Variants in VPS13D observed in about 807,000 individuals in gnomAD.
VPS13D encodes the protein vacuolar protein sorting 13 homolog D.
Under a neutral mutation model 461.9 loss-of-function variants are expected in VPS13D, and 187 were observed. The observed-to-expected ratio is 0.40, with a 90% confidence interval of 0.36 to 0.46. The LOEUF (loss-of-function observed/expected upper bound fraction) is 0.46. VPS13D is among the 20% of genes least tolerant of loss of function. VPS13D has a pLI of 0.60. For synonymous variants in VPS13D, 1,951 were observed against 1,986.3 expected (o/e 0.98, Z 0.47); for missense variants, 4,711 against 5,364.9 (o/e 0.88, Z 3.81).
intron 65 of VPS13D, among the ~76,000 whole-genome samples, chr1:12,419,584 A>G (rs1198565899): frequency 6.6e-6 from 1 of 152,158 alleles, no homozygotes; most frequent in Non-Finnish European, 1.5e-5. Flanking sequence ...CAAGGGAAAG[A>G]AGGGGGAGGT....
chr1:12,328,042 A>G (rs1452499082), intron 36 of VPS13D, among the ~76,000 whole-genome samples, 188 bp downstream of exon 36: 3 of 152,126 alleles, frequency 2.0e-5, no homozygotes, highest in Admixed American at 6.6e-5. Context: ...TGTGGCCTTC[A>G]GCCTATAGCT....
In VPS13D at chr1:12,282,873, A is replaced by T. The variant is rs1456726488; in HGVS notation, c.4771A>T (p.Asn1591Tyr). ...CGESSVERKE[N>Y]GLFSHSSLSN... ...AGAATCTTCTGTTGAAAGGAAGGAG[A>T]ATGGATTGTTCAGCCACTCCAGCCT... Residue 1591 changes from asparagine to tyrosine, a missense_variant, in exon 21 of 70, where the codon AAT becomes TAT. Asn to Tyr is a moderately radical substitution (Grantham distance 143, BLOSUM62 -2). Transcript: ENST00000620676. The T allele has an allele frequency of 6.2e-7, 1 of 1,614,066 alleles. No individual in the cohort carries two copies.
chr1:12,249,097 G>A (rs948576080), intron 5 of VPS13D, 126 bp from the exon 6 acceptor site: 4 of 676,788 alleles, frequency 5.9e-6, no homozygotes, highest in Non-Finnish European at 9.7e-6. Context: ...AGTGGCTCAA[G>A]GGCAGTTTGA....
chr1:12,508,542 TAAAAA>T (rs540771447), intron 69 of VPS13D, among the ~76,000 whole-genome samples: 3 of 116,270 alleles, frequency 2.6e-5, no homozygotes, highest in Admixed American at 8.8e-5. Context: ...CATCTCTACT[TAAAAA>T]AAAAAAAAAA....
intron 15 of VPS13D, among the ~76,000 whole-genome samples, chr1:12,268,294 G>A (rs1488815453): frequency 6.7e-6 from 1 of 149,594 alleles, no homozygotes; most frequent in East Asian, 2.0e-4. Flanking sequence ...TTCTTTTTGG[G>A]GGACTTTCCA....
intron 7 of VPS13D, among the ~76,000 whole-genome samples, chr1:12,255,524 GA>G (rs1024909301): frequency 1.3e-5 from 2 of 152,084 alleles, no homozygotes; most frequent in South Asian, 2.1e-4. Context: ...GTGGCTGGGG[GA>G]TGAGACTAGG....
At chr1:12,271,322 A>G (rs575907934) in intron 17 of VPS13D, among the ~76,000 whole-genome samples, 198 bp downstream of exon 17, 17 of 152,342 alleles carry the variant, frequency 1.1e-4, no homozygotes, top group African/African-American at 2.9e-4. Context: ...AATAAAATGA[A>G]TGACTGTGAC....
At chr1:12,326,321 A>ATTTTTTT (rs763042688) in intron 35 of VPS13D, among the ~76,000 whole-genome samples, 98 of 49,230 alleles carry the variant, frequency 2.0e-3, no homozygotes, top group Non-Finnish European at 2.6e-3. Flanking sequence ...AACCTTTTGG[A>ATTTTTTT]TTTTTTTTTT....
intron 37 of VPS13D, among the ~76,000 whole-genome samples, chr1:12,331,680 C>T (rs1643335943): frequency 6.8e-6 from 1 of 146,706 alleles, no homozygotes; most frequent in South Asian, 2.2e-4. Context: ...CCACTGCACT[C>T]CAGCCTAGGC....
intron 27 of VPS13D, among the ~76,000 whole-genome samples, chr1:12,311,033 A>C (rs1642734039): frequency 6.6e-6 from 1 of 151,662 alleles, no homozygotes; most frequent in South Asian, 2.1e-4. Context: ...CCCCCACCTC[A>C]GCCTCCTGAG....
chr1:12,234,080 C>T (rs1254594684), intron 1 of VPS13D, 111 bp from the exon 2 acceptor site: 4 of 492,148 alleles, frequency 8.1e-6, no homozygotes, highest in Non-Finnish European at 1.5e-5. Flanking sequence ...AAACAAAACC[C>T]AACAAAACAT....
intron 13 of VPS13D, 45 bp downstream of exon 13, chr1:12,262,125 G>C: frequency 6.4e-7 from 1 of 1,569,094 alleles, no homozygotes; most frequent in Non-Finnish European, 8.7e-7. Context: ...GTCTCTCTGT[G>C]GGCCAATGTC....
Position 12,279,706 on chromosome 1 carries a change from A to G in VPS13D, c.4602+56A>G. On this transcript the variant is annotated intron_variant, in intron 20 of 69. Coordinates refer to ENST00000620676, the MANE Select transcript of VPS13D (RefSeq NM_015378.4). This position sits in a 1 kb window ranked among gnomAD's most constrained non-coding sequence, Gnocchi z 4.3. ...ATGTTTATATTAGTACTCTATAAAT[A>G]TGATATATATTTATGTATATTACAT... is the stretch of plus-strand genomic sequence containing the variant. The G allele has an allele frequency of 3.6e-6, 5 of 1,389,288 alleles. No individual in the cohort carries two copies. The highest frequency in any genetic ancestry group is 4.8e-6 in the Non-Finnish European group (5 of 1,036,330). 86.1% of individuals were successfully genotyped at this position (1,389,288 alleles called of 1,614,324 possible). A position where few individuals can be genotyped will look rare whatever the true frequency, so the allele number is the denominator to read the frequency against.
intron 22 of VPS13D, among the ~76,000 whole-genome samples, chr1:12,290,635 A>G (rs1569820815): frequency 1.3e-5 from 2 of 151,870 alleles, no homozygotes. Context: ...AGGCAGGAGA[A>G]TGGCGTGAAC....
At chr1:12,403,169 A>G (rs1250241849) in intron 62 of VPS13D, among the ~76,000 whole-genome samples, 1 of 152,242 alleles carries the variant, frequency 6.6e-6, no homozygotes, top group South Asian at 2.1e-4. Flanking sequence ...TATGCTGCCC[A>G]GTTGGATGTG....
chr1:12,481,122 A>G lies in VPS13D; in HGVS notation c.12663-16378A>G, dbSNP rs556920446. On this transcript the variant is annotated intron_variant, in intron 67 of 69. Transcript: ENST00000620676. ...GCACAGGCTTTGTGTTGCTCAGAGAAGCATGACAGGAAGTGGTGCTGTTGC... is the reference window on the plus strand; with the variant it reads ...GCACAGGCTTTGTGTTGCTCAGAGAGGCATGACAGGAAGTGGTGCTGTTGC... Among the ~76,000 whole-genome samples, 94 of 152,338 alleles carry G rather than the reference A, an allele frequency of 6.2e-4. 2 individuals are homozygous for G. Among genetic ancestry groups the G allele is most frequent in the African/African-American group, 2.2e-3 (91 of 41,578 alleles).
At chr1:12,467,671 T>C (rs1645506702) in intron 67 of VPS13D, among the ~76,000 whole-genome samples, 3 of 152,144 alleles carry the variant, frequency 2.0e-5, no homozygotes, top group Admixed American at 1.3e-4. Context: ...TATGGAAAGC[T>C]CAGATCTATT....
At chr1:12,268,137 A>G (rs1182079891) in intron 15 of VPS13D, among the ~76,000 whole-genome samples, 1 of 149,122 alleles carries the variant, frequency 6.7e-6, no homozygotes, top group Non-Finnish European at 1.5e-5. Flanking sequence ...TTTAGTAGAG[A>G]TGGGGTTTTG....
Position 12,358,474 on chromosome 1 carries a change from C to T in VPS13D, c.10014C>T (p.Ile3338=), listed in dbSNP as rs757074267. The change falls in exon 50 of 70, where the codon ATC becomes ATT. Residue 3338 remains isoleucine (I), a synonymous_variant. Coordinates refer to ENST00000620676, the MANE Select transcript of VPS13D (RefSeq NM_015378.4). The part of the protein sequence containing the change: ...KEQPNLCTMR[I]GRGIHPEGMP... ...TGCCCCACAGCTGCACGATGAGAATCGGAAGGGGGATTCATCCAGAAGGCA... is the reference window on the plus strand; with the variant it reads ...TGCCCCACAGCTGCACGATGAGAATTGGAAGGGGGATTCATCCAGAAGGCA... 4 of 1,614,076 alleles carry T rather than the reference C, an allele frequency of 2.5e-6. No homozygotes were observed. The highest frequency in any genetic ancestry group is 2.2e-5 in the South Asian group (2 of 91,052).
Sources: allele counts gnomAD v4.1 joint callset (sites outside exome capture counted in the v4.1 genomes callset), GRCh38; gene constraint gnomAD v4.1.1; non-coding constraint Gnocchi (gnomAD v3.1); transcripts MANE v1.5; gene names NCBI Gene and HGNC (gene_info 2026-07-23, HGNC 2026-07-21).